The following RNGTT variants were observed in gnomAD, a reference collection of about 807,000 sequenced individuals.
RNGTT encodes RNA guanylyltransferase and 5'-phosphatase.
In RNGTT, 33 loss-of-function variants were observed where a neutral mutation model predicts 79.3. That is an observed-to-expected ratio of 0.42 (90% CI 0.32 to 0.56). The LOEUF (loss-of-function observed/expected upper bound fraction) is 0.56, where lower values mean the gene tolerates loss of function less well. RNGTT is among the 20% of genes least tolerant of loss of function. The probability of loss-of-function intolerance (pLI) is 0.17; values close to 1 mark genes in which losing one functional copy is unlikely to be tolerated. For synonymous variants in RNGTT, 222 were observed against 235.9 expected, an observed-to-expected ratio of 0.94 and a Z score of 0.54; for missense variants, 497 against 739.1, an observed-to-expected ratio of 0.67 and a Z score of 3.80.
chr6:88,922,481 C>T (rs1006771255), intron 4 of RNGTT, among the ~76,000 whole-genome samples: 13 of 151,978 alleles, frequency 8.6e-5, no homozygotes, highest in African/African-American at 3.1e-4. Context: ...AATTCCTTAA[C>T]GTCATCTAGA....
intron 11 of RNGTT, among the ~76,000 whole-genome samples, chr6:88,829,459 T>C (rs187999933): frequency 2.0e-5 from 3 of 152,064 alleles, no homozygotes; most frequent in Non-Finnish European, 4.4e-5. Flanking sequence ...ATGAAGAAAC[T>C]GCATCAACTA....
intron 1 of RNGTT, among the ~76,000 whole-genome samples, chr6:88,953,279 C>A (rs1449116629): frequency 6.6e-6 from 1 of 151,974 alleles, no homozygotes; most frequent in Non-Finnish European, 1.5e-5. Flanking sequence ...AAAGAAAAAA[C>A]AATCACAAAT....
chr6:88,889,468 A>G (rs1782973207), intron 8 of RNGTT, among the ~76,000 whole-genome samples: 1 of 152,164 alleles, frequency 6.6e-6, no homozygotes, highest in Non-Finnish European at 1.5e-5. Flanking sequence ...GGCATGATAC[A>G]AAGAGTATAA....
At chr6:88,700,134 C>T (rs990375764) in intron 13 of RNGTT, among the ~76,000 whole-genome samples, 1 of 152,076 alleles carries the variant, frequency 6.6e-6, no homozygotes, top group Non-Finnish European at 1.5e-5. Flanking sequence ...CGGATCTTAT[C>T]ACAATAAAAA....
chr6:88,633,259 T>C (rs1029817365), intron 14 of RNGTT, among the ~76,000 whole-genome samples: 1 of 151,964 alleles, frequency 6.6e-6, no homozygotes, highest in Non-Finnish European at 1.5e-5. Flanking sequence ...TCAATAAGTA[T>C]GTGTAGAAAA....
chr6:88,617,949 A>C (rs1049241965), intron 14 of RNGTT, among the ~76,000 whole-genome samples: 1 of 152,178 alleles, frequency 6.6e-6, no homozygotes, highest in South Asian at 2.1e-4. Context: ...AGCTGTCAAG[A>C]AAATTTTATC....
chr6:88,764,845 C>G (rs993337723), intron 13 of RNGTT, among the ~76,000 whole-genome samples: 4 of 152,074 alleles, frequency 2.6e-5, no homozygotes, highest in Admixed American at 2.6e-4. Context: ...TACCTATTTG[C>G]TCACATTCTA....
chr6:88,952,387 C>T (rs953114580), intron 1 of RNGTT, among the ~76,000 whole-genome samples: 1 of 152,202 alleles, frequency 6.6e-6, no homozygotes, highest in East Asian at 1.9e-4. Context: ...TTATGCCCCA[C>T]CTATTGCCTG....
At chr6:88,644,178 C>T (rs187031204) in intron 14 of RNGTT, among the ~76,000 whole-genome samples, 3,535 of 152,072 alleles carry the variant, frequency 0.023, 154 homozygotes, top group African/African-American at 0.079. Context: ...ATATCACCAC[C>T]GATCCCACAG....
intron 14 of RNGTT, among the ~76,000 whole-genome samples, chr6:88,630,734 A>C (rs1772836580): frequency 6.6e-6 from 1 of 151,788 alleles, no homozygotes; most frequent in South Asian, 2.1e-4. Context: ...TTTTAACTTT[A>C]ATCCGACATG....
chr6:88,811,516 C>T (rs998222765), intron 11 of RNGTT, among the ~76,000 whole-genome samples: 4 of 152,048 alleles, frequency 2.6e-5, no homozygotes, highest in Non-Finnish European at 4.4e-5. Flanking sequence ...GTTATAAATG[C>T]ATAAGCAGAG....
At chr6:88,871,840 A>G (rs1782365491) in intron 8 of RNGTT, among the ~76,000 whole-genome samples, 1 of 152,204 alleles carries the variant, frequency 6.6e-6, no homozygotes, top group Non-Finnish European at 1.5e-5. Context: ...GACTGAGAGT[A>G]AAACTATCAT....
intron 13 of RNGTT, among the ~76,000 whole-genome samples, chr6:88,741,266 TA>T (rs940764978): frequency 2.6e-5 from 4 of 152,008 alleles, no homozygotes; most frequent in African/African-American, 9.7e-5. Context: ...TACGCAGCCA[TA>T]AAAAAGAAGG....
At chr6:88,717,060 A>G (rs2127810803) in intron 13 of RNGTT, among the ~76,000 whole-genome samples, 1 of 152,332 alleles carries the variant, frequency 6.6e-6, no homozygotes. Context: ...GACAGCCTCA[A>G]AATAAGTGAG....
At chr6:88,909,418 A>AC (rs1260777972) in intron 4 of RNGTT, among the ~76,000 whole-genome samples, 2 of 152,052 alleles carry the variant, frequency 1.3e-5, no homozygotes, top group African/African-American at 4.8e-5. Flanking sequence ...CCCTTGCTTG[A>AC]CCCACTGCAT....
chr6:88,850,586 C>T lies in RNGTT; in HGVS notation c.1033-760G>A, dbSNP rs182906351. ...AATTTTATAACAGAAATTCCATGTA[C>T]AACCATCTAAAATTACAAAAAAAAC... On this transcript the variant is annotated intron_variant, in intron 9 of 15. Transcript: ENST00000369485. Among the ~76,000 whole-genome samples, 5 of 148,964 alleles carry T rather than the reference C, an allele frequency of 3.4e-5. No homozygotes were observed. In the East Asian group the frequency reaches 1.1e-3, roughly 33 times the overall value.
chr6:88,960,438 A>T (rs1785578082), intron 1 of RNGTT, among the ~76,000 whole-genome samples: 2 of 152,214 alleles, frequency 1.3e-5, no homozygotes, highest in South Asian at 4.1e-4. Flanking sequence ...ATATATCTTT[A>T]AGAAACTAGG....
At chr6:88,895,759 T>A (rs1783225366) in intron 6 of RNGTT, among the ~76,000 whole-genome samples, 1 of 152,164 alleles carries the variant, frequency 6.6e-6, no homozygotes, top group African/African-American at 2.4e-5. Context: ...AGTAATTATA[T>A]CTGTGCTTCT....
chr6:88,733,937 A>G (rs1243986699), intron 13 of RNGTT, among the ~76,000 whole-genome samples: 1 of 152,174 alleles, frequency 6.6e-6, no homozygotes, highest in Non-Finnish European at 1.5e-5. Context: ...CTGTCCTGAA[A>G]AAAGTATTAA....
Sources: gnomAD v4.1 joint callset for allele counts (sites outside exome capture counted in the v4.1 genomes callset) on GRCh38, gnomAD v4.1.1 for gene constraint, MANE v1.5 for transcripts, NCBI Gene and HGNC (gene_info 2026-07-23, HGNC 2026-07-21) for gene names.